The following TNRC6A variants were observed in gnomAD, a reference collection of about 807,000 sequenced individuals.
TNRC6A encodes the protein trinucleotide repeat-containing gene 6A protein.
In TNRC6A, 44 loss-of-function variants were observed where a neutral mutation model predicts 221.2. That is an observed-to-expected ratio of 0.20 (90% CI 0.16 to 0.26). TNRC6A has a LOEUF of 0.26. TNRC6A is among the 10% of genes least tolerant of loss of function. The pLI is 1.00. For missense variants in TNRC6A, 2,199 were observed against 2,404.4 expected, an observed-to-expected ratio of 0.91 and a Z score of 1.79; for synonymous variants, 847 against 838.5, an observed-to-expected ratio of 1.01 and a Z score of -0.18.
At chr16:24,724,991 G>T (rs1287541554), upstream of TNRC6A, among the ~76,000 whole-genome samples, 1 of 152,060 alleles carries the variant, frequency 6.6e-6, no homozygotes, top group African/African-American at 2.4e-5. Context: ...AGAAGGAGGA[G>T]AAGTTAGAGA....
In TNRC6A at chr16:24,729,765, T is replaced by A; in HGVS notation, c.-77T>A. 7.4e-7 allele frequency: 1 copy of A among 1,358,210 alleles called. No homozygotes were observed. The highest frequency in any genetic ancestry group is 1.8e-5 in the South Asian group (1 of 56,346). The allele number at this position is 1,358,210 out of a possible 1,614,324, so 84.1% of individuals were successfully genotyped here. On this transcript the variant is annotated 5_prime_UTR_variant, in exon 1 of 25. Coordinates refer to ENST00000395799, the MANE Select transcript of TNRC6A (RefSeq NM_014494.4). ...GCGCTGGTGCAGCGGCTCGGGCCTC[T>A]CCCCGCGGCGCTGCGGAGGGCTTGA...
chr16:24,691,010 C>A (rs112875332), intron 2 of TNRC6A, among the ~76,000 whole-genome samples: 1 of 151,930 alleles, frequency 6.6e-6, no homozygotes, highest in African/African-American at 2.4e-5. Context: ...GGGGTTTCAC[C>A]GTGTTAGCCA....
rs754502854 is a variant in TNRC6A at position 24,619,340 on chromosome 16, GC to G, written n.276+8857del. Among the ~76,000 whole-genome samples, 7 of 152,310 alleles carry G rather than the reference GC, an allele frequency of 4.6e-5. No individual in the cohort carries two copies. The East Asian group carries it at 1.2e-3, about 25-fold the overall frequency. On this transcript the variant is annotated intron_variant and non_coding_transcript_variant, in intron 1 of 2. Transcript: ENST00000566108. The stretch of plus-strand genomic sequence containing the variant: ...CTTTGTGTCATGAATTTAAGTAGCT[GC>G]TATTATAGATGCAATAAGAATTAAT...
At chr16:24,681,573 A>G (rs1464170892) in intron 2 of TNRC6A, among the ~76,000 whole-genome samples, 3 of 152,130 alleles carry the variant, frequency 2.0e-5, no homozygotes, top group Admixed American at 1.3e-4. Context: ...ACATATTTTC[A>G]TAATCATTCA....
chr16:24,670,003 G>C lies in TNRC6A; in HGVS notation n.402+28994G>C, dbSNP rs554515227. On this transcript the variant is annotated intron_variant and non_coding_transcript_variant, in intron 2 of 2. Transcript: ENST00000566108. ...CTCACTCTGTCACCCAGGCTGGAGT[G>C]CAATGGCGTGATCTTGGCTCACTGC... Among the ~76,000 whole-genome samples, 41 of 118,534 alleles carry C rather than the reference G, an allele frequency of 3.5e-4. 2 individuals are homozygous for C. The South Asian group carries it at 0.012, about 35-fold the overall frequency. 77.8% of individuals were successfully genotyped at this position (118,534 alleles called of 152,430 possible).
intron 1 of TNRC6A, among the ~76,000 whole-genome samples, chr16:24,629,850 T>C (rs1901242170): frequency 6.6e-6 from 1 of 151,950 alleles, no homozygotes; most frequent in Non-Finnish European, 1.5e-5. Context: ...GCGTGCCTGT[T>C]ATTCCCAGCT....
At position 24,806,567 on chromosome 16, in the gene TNRC6A, T is replaced by C. The variant is rs1596785050; in HGVS notation, c.4330-7T>C. The C allele has an allele frequency of 6.2e-7, 1 of 1,614,160 alleles. No homozygotes were observed. Among genetic ancestry groups the C allele is most frequent in the Non-Finnish European group, 8.5e-7 (1 of 1,179,974 alleles). On this transcript the variant is annotated splice_polypyrimidine_tract_variant and splice_region_variant and intron_variant, in intron 16 of 24. Coordinates refer to ENST00000395799, the MANE Select transcript of TNRC6A (RefSeq NM_014494.4). Reference sequence around the variant, plus strand: ...GTAATTTTTTCCAATCATTTCATTGTTTTAAGGGTCGACCTCTTAGTGTGC... The same window carrying C: ...GTAATTTTTTCCAATCATTTCATTGCTTTAAGGGTCGACCTCTTAGTGTGC...
intron 5 of TNRC6A, among the ~76,000 whole-genome samples, chr16:24,777,705 A>G (rs769469022): frequency 3.3e-5 from 5 of 152,140 alleles, no homozygotes; most frequent in Admixed American, 2.6e-4. Context: ...ATCTTCAACA[A>G]CGTTGTGAGA....
At chr16:24,647,197 G>A (rs190601394) in intron 2 of TNRC6A, among the ~76,000 whole-genome samples, 4 of 152,294 alleles carry the variant, frequency 2.6e-5, no homozygotes, top group African/African-American at 9.6e-5. Flanking sequence ...CTCCCAAAGT[G>A]CTGGGATTAC....
chr16:24,682,004 C>G (rs1227111998), intron 2 of TNRC6A, among the ~76,000 whole-genome samples: 1 of 152,114 alleles, frequency 6.6e-6, no homozygotes, highest in Non-Finnish European at 1.5e-5. Flanking sequence ...CCCACGGCCT[C>G]GCCAGTATAA....
chr16:24,677,365 G>T (rs902729436), intron 2 of TNRC6A, among the ~76,000 whole-genome samples: 5 of 152,076 alleles, frequency 3.3e-5, no homozygotes, highest in African/African-American at 9.7e-5. Flanking sequence ...GTTTTGCCAG[G>T]TTGGCCAGGC....
chr16:24,795,464 G>T (rs2058199448), intron 8 of TNRC6A, among the ~76,000 whole-genome samples: 1 of 152,112 alleles, frequency 6.6e-6, no homozygotes, highest in Non-Finnish European at 1.5e-5. Flanking sequence ...TTCAAAATAT[G>T]TGCCCAGTCC....
intron 1 of TNRC6A, among the ~76,000 whole-genome samples, chr16:24,631,258 T>A (rs1392197713): frequency 2.6e-5 from 4 of 152,102 alleles, no homozygotes; most frequent in Admixed American, 2.6e-4. Flanking sequence ...GCCCTACAAC[T>A]GCTTGAGAAA....
intron 5 of TNRC6A, among the ~76,000 whole-genome samples, chr16:24,786,675 C>T (rs557099467): frequency 4.7e-5 from 7 of 148,316 alleles, no homozygotes; most frequent in African/African-American, 7.5e-5. Context: ...AATACTGTTT[C>T]GTTTTTGTTG....
chr16:24,806,931 C>T (rs903525227), intron 17 of TNRC6A, 147 bp downstream of exon 17: 18 of 746,394 alleles, frequency 2.4e-5, no homozygotes, highest in Non-Finnish European at 2.7e-5. Context: ...CATCCCCTCT[C>T]CTAGTTTTAA....
chr16:24,701,159 A>G (rs2055966328), intron 2 of TNRC6A, among the ~76,000 whole-genome samples: 1 of 152,204 alleles, frequency 6.6e-6, no homozygotes, highest in South Asian at 2.1e-4. Context: ...AGTAACATTG[A>G]AAGAATTGAG....
chr16:24,683,674 C>T (rs926757076), intron 2 of TNRC6A, among the ~76,000 whole-genome samples: 1 of 152,182 alleles, frequency 6.6e-6, no homozygotes, highest in Non-Finnish European at 1.5e-5. Flanking sequence ...CCTGTTTCTG[C>T]CACCGACTAG....
chr16:24,783,047 TTTTG>T (rs917792045), intron 5 of TNRC6A, among the ~76,000 whole-genome samples: 2 of 152,176 alleles, frequency 1.3e-5, no homozygotes, highest in Admixed American at 1.3e-4. Flanking sequence ...TATTTAACTG[TTTTG>T]TTTGTTAGAT....
chr16:24,791,108 C>G lies in TNRC6A; in HGVS notation c.2466C>G (p.Cys822Trp), dbSNP rs765488652. The stretch of plus-strand genomic sequence containing the variant: ...TCAAGAGCAATCAGTGGGGGAATTG[C>G]AAAGAGGAGAAGGCTGCATGGAATG... ...GMVKSNQWGN[C>W]KEEKAAWNDS... Residue 822 changes from cysteine to tryptophan, a missense_variant, in exon 6 of 25, where the codon TGC becomes TGG. Physicochemically the swap from Cys to Trp is radical, Grantham distance 215 (BLOSUM62 -2). This residue lies in a region of TNRC6A where 1,405 missense variants were observed against 1,400.2 expected (regional missense o/e 1.00). Coordinates refer to ENST00000395799, the MANE Select transcript of TNRC6A (RefSeq NM_014494.4). The G allele has an allele frequency of 8.1e-6, 13 of 1,613,312 alleles. No homozygotes were observed. In the Admixed American group the frequency reaches 2.0e-4, roughly 25 times the overall value.
Sources: allele counts gnomAD v4.1 joint callset (sites outside exome capture counted in the v4.1 genomes callset), GRCh38; gene constraint gnomAD v4.1.1; regional missense constraint gnomAD v4.1.1; transcripts MANE v1.5; gene names NCBI Gene and HGNC (gene_info 2026-07-23, HGNC 2026-07-21).